Variants in EYS observed in about 807,000 individuals in gnomAD.
EYS encodes EGF-like photoreceptor maintenance factor.
EYS carries 250 observed loss-of-function variants against 282.1 expected under a neutral mutation model. That is an observed-to-expected ratio of 0.89 (90% CI 0.80 to 0.98). The LOEUF is 0.98. EYS is among the 50% of genes least tolerant of loss of function. The pLI, the probability that EYS is intolerant of heterozygous loss-of-function variation, is 0.00. For synonymous variants in EYS, 1,355 were observed against 1,282.9 expected (o/e 1.06, Z -1.20); for missense variants, 4,016 against 3,709.0 (o/e 1.08, Z -2.15).
At chr6:64,268,984 T>C (rs1767854357) in intron 30 of EYS, among the ~76,000 whole-genome samples, 1 of 152,148 alleles carries the variant, frequency 6.6e-6, no homozygotes, top group African/African-American at 2.4e-5. Flanking sequence ...AATGAGAGCA[T>C]TCTACAGTAC....
At chr6:64,005,815 C>T (rs1031879541) in intron 33 of EYS, among the ~76,000 whole-genome samples, 7 of 151,946 alleles carry the variant, frequency 4.6e-5, no homozygotes, top group African/African-American at 1.5e-4. Context: ...TATTCTGTTC[C>T]ATTGGTCTTT....
intron 12 of EYS, among the ~76,000 whole-genome samples, chr6:65,177,964 T>C (rs191029450): frequency 4.8e-4 from 73 of 152,074 alleles, no homozygotes; most frequent in African/African-American, 1.2e-3. Flanking sequence ...TTCAGTTTGT[T>C]AGTCCCTTTC....
At chr6:64,757,965 G>A (rs1029251262) in intron 22 of EYS, among the ~76,000 whole-genome samples, 38 of 152,114 alleles carry the variant, frequency 2.5e-4, no homozygotes, top group African/African-American at 9.2e-4. Context: ...TAGTAGAGAC[G>A]GGGTTTCACC....
intron 30 of EYS, among the ~76,000 whole-genome samples, chr6:64,295,102 C>G (rs920097397): frequency 3.3e-5 from 5 of 151,502 alleles, no homozygotes; most frequent in Admixed American, 1.3e-4. Flanking sequence ...TGGCCGGGCA[C>G]GGTGGCTCAC....
intron 33 of EYS, among the ~76,000 whole-genome samples, chr6:64,046,156 A>G (rs1458388687): frequency 6.7e-6 from 1 of 150,184 alleles, no homozygotes; most frequent in African/African-American, 2.4e-5. Flanking sequence ...CATATATAAA[A>G]TACATATGTA....
At chr6:65,079,564 T>C (rs976220801) in intron 12 of EYS, among the ~76,000 whole-genome samples, 3 of 152,078 alleles carry the variant, frequency 2.0e-5, no homozygotes, top group Admixed American at 6.6e-5. Flanking sequence ...ACTGTTTTAA[T>C]AGTGATAACA....
At chr6:65,414,180 T>C (rs1364053952) in intron 5 of EYS, among the ~76,000 whole-genome samples, 1 of 152,116 alleles carries the variant, frequency 6.6e-6, no homozygotes, top group African/African-American at 2.4e-5. Context: ...TGCTTAGGTA[T>C]TCAAGAAACA....
intron 35 of EYS, among the ~76,000 whole-genome samples, chr6:63,951,463 T>C (rs367834691): frequency 1.6e-4 from 24 of 151,986 alleles, no homozygotes; most frequent in African/African-American, 5.6e-4. Context: ...CTCCTTTCCC[T>C]CCCACCTGTC....
At chr6:65,630,310 C>T (rs1873292) in intron 2 of EYS, among the ~76,000 whole-genome samples, 143,323 of 152,288 alleles carry the variant, frequency 0.94, 67,734 homozygotes, top group Non-Finnish European at 0.99. Flanking sequence ...CCTAGATTCA[C>T]GGATTTTAGT....
intron 8 of EYS, among the ~76,000 whole-genome samples, chr6:65,369,949 A>T (rs903842706): frequency 6.6e-6 from 1 of 151,610 alleles, no homozygotes; most frequent in Non-Finnish European, 1.5e-5. Flanking sequence ...GTGTGAAGAA[A>T]CTGTCTCCGA....
chr6:64,928,534 G>A (rs1459180948), intron 15 of EYS, among the ~76,000 whole-genome samples: 2 of 152,050 alleles, frequency 1.3e-5, no homozygotes, highest in East Asian at 3.9e-4. Flanking sequence ...ATGAGCCATT[G>A]CTGAATATGT....
intron 31 of EYS, among the ~76,000 whole-genome samples, chr6:64,137,238 G>A (rs1774191844): frequency 6.6e-6 from 1 of 152,126 alleles, no homozygotes. Context: ...CGTTGCTCTG[G>A]ATTAGTCTTT....
chr6:63,922,312 C>T (rs1764593755), intron 35 of EYS, among the ~76,000 whole-genome samples: 1 of 152,148 alleles, frequency 6.6e-6, no homozygotes, highest in African/African-American at 2.4e-5. Context: ...CCTGTAATCC[C>T]AGAACTTTGG....
chr6:63,783,452 A>G (rs143522384), intron 39 of EYS, among the ~76,000 whole-genome samples: 222 of 152,346 alleles, frequency 1.5e-3, no homozygotes, highest in African/African-American at 5.0e-3. Flanking sequence ...TGGTAACAAC[A>G]TGTCACAAGC....
intron 36 of EYS, among the ~76,000 whole-genome samples, chr6:63,824,478 C>G (rs1771404682): frequency 6.6e-6 from 1 of 152,148 alleles, no homozygotes; most frequent in Non-Finnish European, 1.5e-5. Context: ...AATGTTACTG[C>G]AAGAACAAAC....
chr6:63,894,685 G>A (rs530584078), intron 35 of EYS, among the ~76,000 whole-genome samples: 89 of 151,862 alleles, frequency 5.9e-4, no homozygotes, highest in African/African-American at 2.0e-3. Context: ...GGGTTCAAGC[G>A]ATTCCCCTGC....
chr6:65,526,574 G>C (rs1767571534), intron 2 of EYS, among the ~76,000 whole-genome samples: 1 of 152,146 alleles, frequency 6.6e-6, no homozygotes, highest in South Asian at 2.1e-4. Context: ...GGGAGGCCGA[G>C]GGGGGTGGAT....
intron 35 of EYS, among the ~76,000 whole-genome samples, chr6:63,950,101 G>A (rs1301848586): frequency 6.6e-6 from 1 of 151,912 alleles, no homozygotes; most frequent in Non-Finnish European, 1.5e-5. Flanking sequence ...GAACCCGGGA[G>A]GTGGAGGTTG....
At position 65,076,705 on chromosome 6, in the gene EYS, CAT is replaced by C. The variant is rs918572560; in HGVS notation, c.2024-18980_2024-18979del. Among the ~76,000 whole-genome samples, 24 of 148,662 alleles carry C rather than the reference CAT, an allele frequency of 1.6e-4. 1 individual carries two copies. The East Asian group carries it at 2.0e-3, about 12-fold the overall frequency. ...ATATACACACACACACACACACACA[CAT>C]ACATATATATACATTCTCTCTCCTC... On this transcript the variant is annotated intron_variant, in intron 12 of 42. Transcript: ENST00000503581.
Sources: allele counts gnomAD v4.1 joint callset (sites outside exome capture counted in the v4.1 genomes callset), GRCh38; gene constraint gnomAD v4.1.1; transcripts MANE v1.5; gene names NCBI Gene and HGNC (gene_info 2026-07-23, HGNC 2026-07-21).